CHD1L: variants seen among roughly 807,000 people sequenced by gnomAD.
CHD1L encodes ATP-dependent chromatin remodeler CHD1L.
In CHD1L, 118 loss-of-function variants were observed where a neutral mutation model predicts 115.9. That is an observed-to-expected ratio of 1.02 (90% CI 0.88 to 1.19). The LOEUF is 1.19. Ranked by LOEUF, CHD1L falls within the 50% of genes most tolerant of loss-of-function variation. The probability of loss-of-function intolerance (pLI) is 0.00; values close to 1 mark genes in which losing one functional copy is unlikely to be tolerated. For missense variants in CHD1L, 1,179 were observed against 1,065.3 expected, an observed-to-expected ratio of 1.11 and a Z score of -1.49; for synonymous variants, 411 against 387.1, an observed-to-expected ratio of 1.06 and a Z score of -0.72.
chr1:147,276,385 C>A, intron 14 of CHD1L, 128 bp downstream of exon 14: 2 of 894,508 alleles, frequency 2.2e-6, no homozygotes, highest in Non-Finnish European at 3.4e-6. Flanking sequence ...CTCCCTCACA[C>A]CTGCCACAGT....
intron 6 of CHD1L, chr1:147,260,190 G>A (rs972914640): frequency 3.6e-6 from 1 of 279,604 alleles, no homozygotes; most frequent in Middle Eastern, 1.1e-3. Context: ...GTTTACATTC[G>A]GGTTCACTCT....
At chr1:147,246,319 C>T (rs76327075) in intron 1 of CHD1L, among the ~76,000 whole-genome samples, 32,830 of 152,058 alleles carry the variant, frequency 0.22, 3,729 homozygotes, top group Middle Eastern at 0.28. Context: ...CTGAGTTGTT[C>T]ATAGTTTGTG....
At chr1:147,195,395 G>C in the CHD1L span, among the ~76,000 whole-genome samples, 1 of 151,894 alleles carries the variant, frequency 6.6e-6, no homozygotes, top group Non-Finnish European at 1.5e-5. Context: ...TGCATCCCAA[G>C]GTGCTGGGAT....
chr1:147,265,863 G>T (rs1352977452), intron 7 of CHD1L, 69 bp from the exon 8 acceptor site: 1 of 1,399,036 alleles, frequency 7.1e-7, no homozygotes, highest in Non-Finnish European at 9.6e-7. Flanking sequence ...ATTTCTTTAA[G>T]TTCTCTAGGG....
chr1:147,251,532 TTTATTA>T (rs1247861487), intron 1 of CHD1L, among the ~76,000 whole-genome samples: 9 of 152,146 alleles, frequency 5.9e-5, no homozygotes, highest in African/African-American at 1.9e-4. Context: ...TTTATTTATT[TTTATTA>T]TTATTTTTTT....
chr1:147,293,369 G>A (rs1214993201), intron 20 of CHD1L, among the ~76,000 whole-genome samples: 1 of 151,866 alleles, frequency 6.6e-6, no homozygotes, highest in Non-Finnish European at 1.5e-5. Flanking sequence ...TCATTCTCTG[G>A]TTTTAAAGTA....
At chr1:147,256,732 A>G (rs1670288877) in intron 5 of CHD1L, among the ~76,000 whole-genome samples, 170 bp downstream of exon 5, 2 of 152,122 alleles carry the variant, frequency 1.3e-5, no homozygotes, top group South Asian at 4.1e-4. Flanking sequence ...TCCTCTACTC[A>G]TTAGCTGTGT....
intron 6 of CHD1L, among the ~76,000 whole-genome samples, chr1:147,263,453 A>G (rs1672714720): frequency 6.6e-6 from 1 of 151,544 alleles, no homozygotes; most frequent in Non-Finnish European, 1.5e-5. Flanking sequence ...AAAGATATAC[A>G]TACACAAGAT....
the CHD1L span, among the ~76,000 whole-genome samples, chr1:147,192,235 T>A: frequency 1.3e-5 from 2 of 152,114 alleles, no homozygotes; most frequent in African/African-American, 4.8e-5. Flanking sequence ...ACATCCCTTG[T>A]AAGTTGGATT....
chr1:147,276,384 A>C (rs1553958024), intron 14 of CHD1L, 127 bp downstream of exon 14: 224 of 909,612 alleles, frequency 2.5e-4, no homozygotes, highest in Middle Eastern at 3.2e-4. Context: ...CCTCCCTCAC[A>C]CCTGCCACAG....
chr1:147,268,248 G>A (rs2102610973), intron 9 of CHD1L, among the ~76,000 whole-genome samples: 1 of 152,102 alleles, frequency 6.6e-6, no homozygotes, highest in South Asian at 2.1e-4. Flanking sequence ...TTCATACTGG[G>A]GCTTTTTTGA....
At chr1:147,279,328 T>G (rs998274250) in intron 14 of CHD1L, among the ~76,000 whole-genome samples, 3 of 152,146 alleles carry the variant, frequency 2.0e-5, no homozygotes. Flanking sequence ...AAGTAGCAAG[T>G]GAAAGCCAGG....
chr1:147,293,321 T>A (rs1167186919), intron 20 of CHD1L, among the ~76,000 whole-genome samples: 1 of 149,584 alleles, frequency 6.7e-6, no homozygotes, highest in Non-Finnish European at 1.5e-5. Context: ...TTTTTTTTTT[T>A]AACCCTTGAG....
intron 5 of CHD1L, chr1:147,258,890 T>A (rs587770198): frequency 1.3e-5 from 2 of 152,364 alleles, no homozygotes; most frequent in African/African-American, 4.8e-5. Context: ...AAACATCTTA[T>A]AATTTTCACT....
chr1:147,259,546 C>T (rs1460832672), intron 5 of CHD1L: 4 of 245,238 alleles, frequency 1.6e-5, no homozygotes, highest in Non-Finnish European at 2.4e-5. Context: ...GTGTCTGGCA[C>T]AAAGTAGGAG....
chr1:147,280,258 A>C (rs1553961066), intron 15 of CHD1L, 67 bp downstream of exon 15: 2 of 1,474,828 alleles, frequency 1.4e-6, no homozygotes, highest in East Asian at 2.3e-5. Context: ...GTCCCCATGG[A>C]AAGTTTTGGA....
chr1:147,226,818 T>C, the CHD1L span, among the ~76,000 whole-genome samples: 1 of 147,398 alleles, frequency 6.8e-6, no homozygotes, highest in African/African-American at 2.5e-5. Flanking sequence ...TTAACATTAA[T>C]GTGTTTTGGA....
the CHD1L span, among the ~76,000 whole-genome samples, chr1:147,200,856 T>C: frequency 6.6e-6 from 1 of 152,216 alleles, no homozygotes; most frequent in African/African-American, 2.4e-5. Context: ...TTGGAATTAC[T>C]GGGGAATATT....
At chr1:147,256,805 A>T (rs1387408528) in intron 5 of CHD1L, among the ~76,000 whole-genome samples, 4 of 152,196 alleles carry the variant, frequency 2.6e-5, no homozygotes, top group Non-Finnish European at 4.4e-5. Context: ...AATGAGGATA[A>T]TTGTTTCTTA....
Sources: gnomAD v4.1 joint callset for allele counts (sites outside exome capture counted in the v4.1 genomes callset) on GRCh38, gnomAD v4.1.1 for gene constraint, MANE v1.5 for transcripts, NCBI Gene and HGNC (gene_info 2026-07-23, HGNC 2026-07-21) for gene names.